The following CYYR1 variants were observed in gnomAD, a reference collection of about 807,000 sequenced individuals.
CYYR1 encodes the protein cysteine and tyrosine-rich protein 1.
In CYYR1, 14 loss-of-function variants were observed where a neutral mutation model predicts 15.2. The ratio of observed to expected loss-of-function variants is 0.92; its 90% CI spans 0.61 to 1.44. The LOEUF (loss-of-function observed/expected upper bound fraction) is 1.44, where lower values mean the gene tolerates loss of function less well. Ranked by LOEUF, CYYR1 falls within the 40% of genes most tolerant of loss-of-function variation. CYYR1 has a pLI of 0.00. For synonymous variants in CYYR1, 80 were observed against 77.4 expected (o/e 1.03, Z -0.18); for missense variants, 228 against 209.5 (o/e 1.09, Z -0.54).
chr21:26,514,813 C>T (rs981365471), intron 2 of CYYR1, among the ~76,000 whole-genome samples: 1 of 152,196 alleles, frequency 6.6e-6, no homozygotes, highest in African/African-American at 2.4e-5. Flanking sequence ...GCCCATTTAA[C>T]AGATGAGAAA....
intron 2 of CYYR1, among the ~76,000 whole-genome samples, chr21:26,500,569 G>A (rs1463568202): frequency 6.6e-6 from 1 of 152,166 alleles, no homozygotes; most frequent in Non-Finnish European, 1.5e-5. Context: ...CTATTAGAGA[G>A]GCCCAGTGGC....
rs1187642799 is a variant in CYYR1 at position 26,467,561 on chromosome 21, A to G, written c.*940T>C. 3 of 152,126 alleles carry G rather than the reference A, an allele frequency of 2.0e-5. No individual in the cohort carries two copies. The highest frequency in any genetic ancestry group is 4.4e-5 in the Non-Finnish European group (3 of 68,012). 9.4% of individuals were successfully genotyped at this position (152,126 alleles called of 1,614,324 possible). A position where few individuals can be genotyped will look rare whatever the true frequency, so the allele number is the denominator to read the frequency against. On this transcript the variant is annotated 3_prime_UTR_variant, in exon 4 of 4. Transcript: ENST00000652641. ...CCTGACCTAAAATCCTGTGGGAATA[A>G]TTGATTTCTCATCTTTTACTTGGAA...
intron 2 of CYYR1, among the ~76,000 whole-genome samples, chr21:26,488,923 C>A (rs2065289554): frequency 6.6e-6 from 1 of 152,246 alleles, no homozygotes. Context: ...TTATTAAAGT[C>A]TCTGTTATTC....
intron 2 of CYYR1, among the ~76,000 whole-genome samples, chr21:26,548,330 G>C (rs2123675780): frequency 6.6e-6 from 1 of 152,134 alleles, no homozygotes; most frequent in African/African-American, 2.4e-5. Flanking sequence ...AATGTTTTTT[G>C]GTAAGGTTTA....
At chr21:26,543,094 G>A (rs897364363) in intron 2 of CYYR1, among the ~76,000 whole-genome samples, 4 of 152,144 alleles carry the variant, frequency 2.6e-5, no homozygotes, top group African/African-American at 9.7e-5. Flanking sequence ...ACCAAACACT[G>A]CATGTCTGCA....
Position 26,573,133 on chromosome 21 carries a change from G to A in CYYR1, c.-193C>T. The A allele has an allele frequency of 1.3e-6, 2 of 1,499,388 alleles. No homozygotes were observed. Among genetic ancestry groups the A allele is most frequent in the Non-Finnish European group, 8.9e-7 (1 of 1,129,576 alleles). The allele number at this position is 1,499,388 out of a possible 1,614,324, so 92.9% of individuals were successfully genotyped here. A position where few individuals can be genotyped will look rare whatever the true frequency, so the allele number is the denominator to read the frequency against. On this transcript the variant is annotated 5_prime_UTR_variant, in exon 1 of 4. Transcript: ENST00000652641. ...CCCGGGCCAGCGACTGCGGGACTCC[G>A]CGGAGCTGGGGCGCCCGTGGCCCGA...
intron 2 of CYYR1, among the ~76,000 whole-genome samples, chr21:26,504,917 T>C (rs2065534253): frequency 6.6e-6 from 1 of 152,198 alleles, no homozygotes; most frequent in South Asian, 2.1e-4. Flanking sequence ...ATGTTTGTCT[T>C]TCTGTGCCTG....
At chr21:26,468,705 G>T in intron 3 of CYYR1, 71 bp from the exon 4 acceptor site, 1 of 1,194,584 alleles carries the variant, frequency 8.4e-7, no homozygotes. Flanking sequence ...TGAAGCCACT[G>T]GGCTAGATAC....
chr21:26,554,813 G>A (rs1158284017), intron 2 of CYYR1, among the ~76,000 whole-genome samples: 1 of 151,966 alleles, frequency 6.6e-6, no homozygotes, highest in African/African-American at 2.4e-5. Flanking sequence ...TGCTCAGGCT[G>A]GACTCAAACT....
At chr21:26,532,480 C>T (rs1891669239) in intron 2 of CYYR1, among the ~76,000 whole-genome samples, 1 of 152,106 alleles carries the variant, frequency 6.6e-6, no homozygotes, top group Non-Finnish European at 1.5e-5. Flanking sequence ...CTAGAGGACC[C>T]GTTTCCTGGT....
intron 2 of CYYR1, among the ~76,000 whole-genome samples, chr21:26,511,770 G>A (rs1326832770): frequency 6.6e-6 from 1 of 152,132 alleles, no homozygotes; most frequent in Non-Finnish European, 1.5e-5. Context: ...ATAACCTTGA[G>A]AATGATTGCT....
intron 2 of CYYR1, among the ~76,000 whole-genome samples, chr21:26,532,893 A>T (rs762990466): frequency 3.3e-5 from 5 of 152,160 alleles, no homozygotes; most frequent in East Asian, 1.9e-4. Context: ...CAAAATTATT[A>T]AAAAATGTCG....
intron 2 of CYYR1, among the ~76,000 whole-genome samples, chr21:26,493,804 G>A (rs765675578): frequency 6.6e-6 from 1 of 152,092 alleles, no homozygotes; most frequent in Non-Finnish European, 1.5e-5. Flanking sequence ...GTTGCTTACT[G>A]GTCTGACTTT....
rs1281166244 is a variant in CYYR1 at position 26,565,215 on chromosome 21, G to T, written c.176+1051C>A. Among the ~76,000 whole-genome samples, 3 of 152,212 alleles carry T rather than the reference G, an allele frequency of 2.0e-5. No individual in the cohort carries two copies. The East Asian group carries it at 5.8e-4, about 29-fold the overall frequency. ...GATCTCTAATAGGAGCCTCAACACT[G>T]ATTCCAGAAAGTTTATGTGGTGCCA... On this transcript the variant is annotated intron_variant, in intron 2 of 3. Transcript: ENST00000652641.
rs892710475 is a variant in CYYR1 at position 26,468,926 on chromosome 21, C to T, written c.335-292G>A. ...TTCAGGTTGATCAAAAGCACTGAAG[C>T]GGGAGAGCCCTTCATCTCAAGCAAA... On this transcript the variant is annotated intron_variant, in intron 3 of 3. Transcript: ENST00000652641. Among the ~76,000 whole-genome samples, 10 of 141,656 alleles carry T rather than the reference C, an allele frequency of 7.1e-5. No individual in the cohort carries two copies. In the East Asian group the frequency reaches 1.6e-3, roughly 23 times the overall value. 92.9% of individuals were successfully genotyped at this position (141,656 alleles called of 152,430 possible).
At chr21:26,469,617 T>C (rs1451863061) in intron 3 of CYYR1, among the ~76,000 whole-genome samples, 1 of 152,158 alleles carries the variant, frequency 6.6e-6, no homozygotes, top group East Asian at 1.9e-4. Flanking sequence ...ACATTTGTCA[T>C]TTCTTTATGC....
At chr21:26,510,429 T>C (rs2065631125) in intron 2 of CYYR1, among the ~76,000 whole-genome samples, 2 of 152,182 alleles carry the variant, frequency 1.3e-5, no homozygotes. Flanking sequence ...GTATGGAGCA[T>C]GAAGAAAATG....
chr21:26,521,151 A>G (rs2123561275), intron 2 of CYYR1, among the ~76,000 whole-genome samples: 1 of 152,342 alleles, frequency 6.6e-6, no homozygotes, highest in Non-Finnish European at 1.5e-5. Flanking sequence ...CTGTTTATCT[A>G]TGTAACAAAC....
At chr21:26,502,025 AT>A (rs1569150376) in intron 2 of CYYR1, among the ~76,000 whole-genome samples, 1 of 152,198 alleles carries the variant, frequency 6.6e-6, no homozygotes, top group South Asian at 2.1e-4. Context: ...AGTAAAAAAA[AT>A]CTCTCCATCC....
Sources: gnomAD v4.1 joint callset for allele counts (sites outside exome capture counted in the v4.1 genomes callset) on GRCh38, gnomAD v4.1.1 for gene constraint, MANE v1.5 for transcripts, NCBI Gene and HGNC (gene_info 2026-07-23, HGNC 2026-07-21) for gene names.